Variants in CNTN4 observed in about 807,000 individuals in gnomAD.
CNTN4 encodes contactin 4, also known as contactin-4.
In CNTN4, 77 loss-of-function variants were observed where a neutral mutation model predicts 122.5. The observed-to-expected ratio is 0.63, with a 90% CI of 0.52 to 0.76. CNTN4 has a LOEUF of 0.76. Ranked by LOEUF, CNTN4 falls within the 30% of genes least tolerant of loss-of-function variation. CNTN4 has a pLI of 0.00. For synonymous variants in CNTN4, 512 were observed against 447.0 expected, an observed-to-expected ratio of 1.15 and a Z score of -1.83; for missense variants, 1,256 against 1,259.1, an observed-to-expected ratio of 1.00 and a Z score of 0.04.
At chr3:2,904,587 C>T (rs546374915) in intron 12 of CNTN4, among the ~76,000 whole-genome samples, 4 of 152,172 alleles carry the variant, frequency 2.6e-5, no homozygotes, top group Non-Finnish European at 5.9e-5. Flanking sequence ...AACACACATA[C>T]TTCTCACCCT....
At chr3:2,420,986 A>G (rs1385303691) in intron 3 of CNTN4, among the ~76,000 whole-genome samples, 3 of 152,168 alleles carry the variant, frequency 2.0e-5, no homozygotes, top group Admixed American at 6.5e-5. Flanking sequence ...AAATGATCCC[A>G]GTGTTTGCCC....
chr3:2,328,704 C>T (rs1329204215), intron 2 of CNTN4, among the ~76,000 whole-genome samples: 1 of 151,678 alleles, frequency 6.6e-6, no homozygotes, highest in East Asian at 1.9e-4. Flanking sequence ...TGTTAAAATA[C>T]AGTATAAAAT....
intron 7 of CNTN4, among the ~76,000 whole-genome samples, chr3:2,850,128 T>A (rs1423171307): frequency 6.6e-6 from 1 of 152,024 alleles, no homozygotes; most frequent in African/African-American, 2.4e-5. Context: ...TAGCTGGGAT[T>A]ACAGGCACGC....
At chr3:2,797,992 G>A (rs1332247382) in intron 6 of CNTN4, among the ~76,000 whole-genome samples, 2 of 147,784 alleles carry the variant, frequency 1.4e-5, no homozygotes, top group African/African-American at 5.0e-5. Flanking sequence ...ATCCTGTAGT[G>A]GTGAAGTCTG....
At chr3:2,504,570 G>A (rs1029333393) in intron 3 of CNTN4, among the ~76,000 whole-genome samples, 1 of 152,100 alleles carries the variant, frequency 6.6e-6, no homozygotes, top group African/African-American at 2.4e-5. Flanking sequence ...GACTCAATCC[G>A]CATTCCTCAA....
At chr3:2,475,044 A>C in intron 3 of CNTN4, among the ~76,000 whole-genome samples, 1 of 152,192 alleles carries the variant, frequency 6.6e-6, no homozygotes, top group East Asian at 1.9e-4. Context: ...TTTTACCTTA[A>C]GCTGAATTGC....
At chr3:2,786,753 G>A (rs1479370285) in intron 6 of CNTN4, among the ~76,000 whole-genome samples, 1 of 152,046 alleles carries the variant, frequency 6.6e-6, no homozygotes, top group Admixed American at 6.5e-5. Context: ...AATGGTTTTT[G>A]CTCATGATTT....
intron 2 of CNTN4, among the ~76,000 whole-genome samples, chr3:2,130,741 T>G (rs2125276223): frequency 6.6e-6 from 1 of 152,314 alleles, no homozygotes; most frequent in South Asian, 2.1e-4. Context: ...TAAACAGGTT[T>G]TTTGAATAAT....
In CNTN4 at chr3:2,988,427, A is replaced by G. The variant is rs1187386629; in HGVS notation, c.1441A>G (p.Asn481Asp). 1.2e-6 allele frequency: 2 copies of G among 1,613,706 alleles called. No homozygotes were observed. The highest frequency in any genetic ancestry group is 1.7e-6 in the Non-Finnish European group (2 of 1,179,790). The change falls in exon 14 of 25, where the codon AAC (asparagine) becomes GAC (aspartate). Residue 481 changes from asparagine to aspartate, a missense_variant. Physicochemically the swap from Asn to Asp is conservative, Grantham distance 23. Transcript: ENST00000418658. The part of the protein sequence containing the change: ...DAGSYTCIAT[N>D]HFGTASSTGN... ...TGGGAGTTATACCTGTATAGCCACT[A>G]ACCATTTTGGAACTGCTAGCAGTAC...
chr3:2,945,336 A>C (rs2094664926), intron 13 of CNTN4, among the ~76,000 whole-genome samples: 1 of 152,162 alleles, frequency 6.6e-6, no homozygotes, highest in Non-Finnish European at 1.5e-5. Context: ...CATAAGTTGT[A>C]ATTGATTCTT....
chr3:2,925,697 G>T lies in CNTN4; in HGVS notation c.1276G>T (p.Val426Phe), dbSNP rs749094357. 2.5e-6 allele frequency: 4 copies of T among 1,613,856 alleles called. No individual in the cohort carries two copies. The South Asian group carries it at 3.3e-5, about 13-fold the overall frequency. Residue 426 changes from valine to phenylalanine, a missense_variant, in exon 13 of 25, where the codon GTC becomes TTC. Physicochemically the swap from Val to Phe is conservative, Grantham distance 50. Transcript: ENST00000418658. ...VTLVKVGGEV[V>F]IECKPKASPK... Reference sequence around the variant, plus strand: ...TCTTGTCAAAGTGGGAGGTGAAGTTGTCATTGAGTGTAAGCCAAAAGCGTC... The same window carrying T: ...TCTTGTCAAAGTGGGAGGTGAAGTTTTCATTGAGTGTAAGCCAAAAGCGTC...
intron 3 of CNTN4, among the ~76,000 whole-genome samples, chr3:2,410,046 C>T (rs1314493156): frequency 2.0e-5 from 3 of 152,160 alleles, no homozygotes. Flanking sequence ...TGGACAGCAC[C>T]TATATGCAGT....
At chr3:2,831,182 C>T (rs1342407188) in intron 7 of CNTN4, among the ~76,000 whole-genome samples, 2 of 152,096 alleles carry the variant, frequency 1.3e-5, no homozygotes, top group Middle Eastern at 3.2e-3. Flanking sequence ...TAAATCATGG[C>T]ATTTTGTATG....
rs187761120 is a variant in CNTN4, at chr3:2,733,776, C to T, written c.56-2439C>T. On this transcript the variant is annotated intron_variant, in intron 4 of 24. Coordinates refer to ENST00000418658, the MANE Select transcript of CNTN4 (RefSeq NM_175607.3). ...GTCTCAAATGCCTGACCTCATGATCCACCCACCTCGGCCTCCCAAAGTGCT... is the reference window on the plus strand; with the variant it reads ...GTCTCAAATGCCTGACCTCATGATCTACCCACCTCGGCCTCCCAAAGTGCT... Among the ~76,000 whole-genome samples, 522 of 152,144 alleles carry T rather than the reference C, an allele frequency of 3.4e-3. 4 individuals carry two copies. The highest frequency in any genetic ancestry group is 0.012 in the African/African-American group (484 of 41,502).
intron 2 of CNTN4, among the ~76,000 whole-genome samples, chr3:2,189,674 A>G (rs1575040181): frequency 1.3e-5 from 2 of 152,298 alleles, no homozygotes; most frequent in African/African-American, 4.8e-5. Flanking sequence ...CTCTCTAAGC[A>G]AGATGGCGCT....
chr3:2,336,050 G>A (rs889149670), intron 2 of CNTN4, among the ~76,000 whole-genome samples: 5 of 152,210 alleles, frequency 3.3e-5, no homozygotes, highest in Non-Finnish European at 5.9e-5. Flanking sequence ...GGGGTAAGCC[G>A]AACAGTGATA....
chr3:2,192,362 C>G (rs2037615817), intron 2 of CNTN4, among the ~76,000 whole-genome samples: 1 of 152,046 alleles, frequency 6.6e-6, no homozygotes, highest in African/African-American at 2.4e-5. Flanking sequence ...TAAAAGTGTT[C>G]CTATTTCTCC....
rs541514630 is a variant in CNTN4 at position 2,271,176 on chromosome 3, C to A, written c.-144-68002C>A. ...CAGAAACAGGGACAAATGTGATGTCCTTTCTCTGCCCCTTGAATTAAATAA... is the reference window on the plus strand; with the variant it reads ...CAGAAACAGGGACAAATGTGATGTCATTTCTCTGCCCCTTGAATTAAATAA... On this transcript the variant is annotated intron_variant, in intron 2 of 24. Transcript: ENST00000418658. Among the ~76,000 whole-genome samples the A allele has an allele frequency of 3.1e-4, 45 of 143,048 alleles. 1 individual carries two copies. Among genetic ancestry groups the A allele is most frequent in the African/African-American group, 1.1e-3 (45 of 40,660 alleles). The allele number at this position is 143,048 out of a possible 152,430, so 93.8% of individuals were successfully genotyped here.
intron 6 of CNTN4, among the ~76,000 whole-genome samples, chr3:2,759,940 A>G (rs1368235947): frequency 6.6e-6 from 1 of 152,166 alleles, no homozygotes; most frequent in Non-Finnish European, 1.5e-5. Context: ...ATGATGTTGA[A>G]CATATTCCCA....
Sources: allele counts gnomAD v4.1 joint callset (sites outside exome capture counted in the v4.1 genomes callset), GRCh38; gene constraint gnomAD v4.1.1; transcripts MANE v1.5; gene names NCBI Gene and HGNC (gene_info 2026-07-23, HGNC 2026-07-21).